The following EARS2 variants were observed in gnomAD, a reference collection of about 807,000 sequenced individuals.
EARS2 encodes the protein glutamyl-tRNA synthetase 2, mitochondrial.
A neutral mutation model predicts 54.1 loss-of-function variants in EARS2; 50 were observed. The observed-to-expected ratio is 0.92, with a 90% CI of 0.74 to 1.17. EARS2 has a LOEUF of 1.17. Ranked by LOEUF, EARS2 falls within the 50% of genes most tolerant of loss-of-function variation. EARS2 has a pLI of 0.00. For synonymous variants in EARS2, 298 were observed against 281.0 expected, an observed-to-expected ratio of 1.06 and a Z score of -0.61; for missense variants, 673 against 675.0, an observed-to-expected ratio of 1.00 and a Z score of 0.03.
chr16:23,544,547 T>C lies in EARS2; in HGVS notation c.452A>G (p.Lys151Arg), dbSNP rs768159115. ...CTGGTGGTTCCGCAAGGCCTCCTTC[T>C]TCAGGAGCTCCAGCCGCTGGGGTGA... ...FCSPQRLELL[K>R]KEALRNHQTP... The change falls in exon 3 of 9, where the codon AAG becomes AGG. Residue 151 changes from lysine (K) to arginine (R), a missense_variant. Physicochemically the swap from Lys to Arg is conservative, Grantham distance 26 (BLOSUM62 2). This residue lies in a region of EARS2 where 316 missense variants were observed against 275.2 expected (regional missense o/e 1.15). Transcript: ENST00000449606. The C allele has an allele frequency of 3.7e-5, 60 of 1,613,996 alleles. No individual in the cohort carries two copies. Among genetic ancestry groups the C allele is most frequent in the Middle Eastern group, 1.6e-4 (1 of 6,084 alleles).
Position 23,526,496 on chromosome 16 carries a change from T to C in EARS2, c.1353-1117A>G, listed in dbSNP as rs74604425. 9.6e-3 allele frequency among the ~76,000 whole-genome samples: 1,465 copies of C among 152,246 alleles called. 12 individuals carry two copies. The highest frequency in any genetic ancestry group is 0.019 in the South Asian group (94 of 4,824). On this transcript the variant is annotated intron_variant, in intron 7 of 8. Coordinates refer to ENST00000449606, the MANE Select transcript of EARS2 (RefSeq NM_001083614.2). ...AGTACAATCAAGAGCTTTGAGACAT[T>C]ACAAAAGGATCTAAAAAGAAACAGT...
intron 8 of EARS2, chr16:23,524,921 A>T: frequency 3.8e-6 from 2 of 533,074 alleles, no homozygotes; most frequent in Non-Finnish European, 6.6e-6. Flanking sequence ...CTGGGAATAC[A>T]GGTGTGAGCC....
At chr16:23,542,312 TTTTC>T (rs1297061221) in intron 3 of EARS2, among the ~76,000 whole-genome samples, 20 of 93,466 alleles carry the variant, frequency 2.1e-4, no homozygotes, top group African/African-American at 9.5e-4. Context: ...GACCTTTCAT[TTTTC>T]TTTTTTTTTT....
At chr16:23,531,244 G>C (rs754038014) in intron 5 of EARS2, among the ~76,000 whole-genome samples, 5 of 151,738 alleles carry the variant, frequency 3.3e-5, no homozygotes, top group Non-Finnish European at 7.4e-5. Flanking sequence ...ACTGTTTACT[G>C]TGTGAACTTT....
At chr16:23,527,215 T>C (rs1213459124) in intron 7 of EARS2, among the ~76,000 whole-genome samples, 1 of 152,058 alleles carries the variant, frequency 6.6e-6, no homozygotes, top group African/African-American at 2.4e-5. Flanking sequence ...ATCCTCCCCA[T>C]TCACCCTCCC....
At chr16:23,527,632 C>T (rs1965252579) in intron 7 of EARS2, among the ~76,000 whole-genome samples, 1 of 147,762 alleles carries the variant, frequency 6.8e-6, no homozygotes, top group South Asian at 2.1e-4. Flanking sequence ...CAGCTCACTG[C>T]AAGCTCCGCC....
rs1965140158 is a variant in EARS2 at position 23,521,304 on chromosome 16, A to G, written c.*3067T>C. Among the ~76,000 whole-genome samples the G allele has an allele frequency of 6.6e-6, 1 of 152,184 alleles. No homozygotes were observed. The highest frequency in any genetic ancestry group is 2.4e-5 in the African/African-American group (1 of 41,454). ...CCATTTCTGCCTCCCCAAGTCTGAC[A>G]ACCACCATCTTATTTTCTGCCTGTA... is the stretch of plus-strand genomic sequence containing the variant. On this transcript the variant is annotated 3_prime_UTR_variant, in exon 9 of 9. Coordinates refer to ENST00000449606, the MANE Select transcript of EARS2 (RefSeq NM_001083614.2).
chr16:23,542,093 G>A (rs907384004), intron 3 of EARS2, among the ~76,000 whole-genome samples: 5 of 150,684 alleles, frequency 3.3e-5, no homozygotes, highest in South Asian at 4.2e-4. Context: ...CCTGACCTCA[G>A]GTGATCTGCC....
intron 3 of EARS2, among the ~76,000 whole-genome samples, chr16:23,537,800 T>C (rs1965447619): frequency 6.6e-6 from 1 of 150,934 alleles, no homozygotes; most frequent in Non-Finnish European, 1.5e-5. Flanking sequence ...CTTTCTTTTT[T>C]TTTTTTTTTG....
At chr16:23,556,877 G>A (rs1567393852) in intron 1 of EARS2, 1 of 579,594 alleles carries the variant, frequency 1.7e-6, no homozygotes, top group East Asian at 3.9e-5. Context: ...CTTCCACAGA[G>A]CAAGGCCCCT....
chr16:23,546,851 C>G (rs537078028), intron 2 of EARS2, among the ~76,000 whole-genome samples: 1 of 152,344 alleles, frequency 6.6e-6, no homozygotes, highest in Admixed American at 6.5e-5. Context: ...GCCATGGCAC[C>G]CAGCCATCTG....
chr16:23,556,997 GCACAAAAAA>G (rs1246499749), intron 1 of EARS2, 199 bp downstream of exon 1: 1 of 773,836 alleles, frequency 1.3e-6, no homozygotes, highest in African/African-American at 1.7e-5. Flanking sequence ...AGATGGGATG[GCACAAAAAA>G]CACAAGAAAC....
chr16:23,557,029 G>C, intron 1 of EARS2, 176 bp downstream of exon 1: 1 of 982,374 alleles, frequency 1.0e-6, no homozygotes, highest in Non-Finnish European at 1.5e-6. Flanking sequence ...CTGGCAATTT[G>C]AATTATTTCC....
At chr16:23,539,707 T>C (rs1000019930) in intron 3 of EARS2, among the ~76,000 whole-genome samples, 2 of 44,786 alleles carry the variant, frequency 4.5e-5, no homozygotes, top group East Asian at 3.8e-4. Context: ...ATGACTATAA[T>C]TTAACAAAAA....
At chr16:23,550,927 C>T (rs1458758553) in intron 2 of EARS2, 4 of 152,136 alleles carry the variant, frequency 2.6e-5, no homozygotes, top group East Asian at 3.9e-4. Context: ...AGACAACTGT[C>T]GACCCATGAA....
At chr16:23,540,279 T>C (rs1304123675) in intron 3 of EARS2, among the ~76,000 whole-genome samples, 1 of 152,172 alleles carries the variant, frequency 6.6e-6, no homozygotes. Flanking sequence ...GCTGTGATCA[T>C]GCTACTGCAC....
At chr16:23,527,931 C>G (rs1965258213) in intron 7 of EARS2, among the ~76,000 whole-genome samples, 1 of 152,174 alleles carries the variant, frequency 6.6e-6, no homozygotes, top group Non-Finnish European at 1.5e-5. Flanking sequence ...GAAATTTTAA[C>G]CCCCAAGGGG....
chr16:23,543,137 A>AT (rs1335808636), intron 3 of EARS2, among the ~76,000 whole-genome samples: 2 of 141,934 alleles, frequency 1.4e-5, no homozygotes, highest in East Asian at 4.2e-4. Context: ...AAAAAAAAAA[A>AT]GTCAGGTGCA....
At chr16:23,555,687 G>T (rs376179755) in intron 1 of EARS2, among the ~76,000 whole-genome samples, 1 of 152,138 alleles carries the variant, frequency 6.6e-6, no homozygotes. Context: ...TAAAGGTTTA[G>T]AAACTTTTGT....
Sources: gnomAD v4.1 joint callset for allele counts (sites outside exome capture counted in the v4.1 genomes callset) on GRCh38, gnomAD v4.1.1 for gene constraint, gnomAD v4.1.1 regional missense constraint, MANE v1.5 for transcripts, NCBI Gene and HGNC (gene_info 2026-07-23, HGNC 2026-07-21) for gene names.